The following DNAH3 variants were observed in gnomAD, a reference collection of about 807,000 sequenced individuals.
DNAH3 encodes the protein dynein axonemal heavy chain 3, also known as axonemal beta dynein heavy chain 3.
In DNAH3, 332 loss-of-function variants were observed where a neutral mutation model predicts 432.5. That is an observed-to-expected ratio of 0.77 (90% CI 0.70 to 0.84). The LOEUF is 0.84. Among genes scored for constraint, DNAH3 ranks in the 40% least tolerant of loss-of-function variants. The probability of loss-of-function intolerance (pLI) is 0.00; values close to 1 mark genes in which losing one functional copy is unlikely to be tolerated. For synonymous variants in DNAH3, 1,956 were observed against 1,900.2 expected, an observed-to-expected ratio of 1.03 and a Z score of -0.76; for missense variants, 4,861 against 5,114.0, an observed-to-expected ratio of 0.95 and a Z score of 1.51.
At chr16:21,138,163 G>A (rs2092669193) in intron 5 of DNAH3, among the ~76,000 whole-genome samples, 1 of 151,872 alleles carries the variant, frequency 6.6e-6, no homozygotes, top group South Asian at 2.1e-4. Flanking sequence ...CAGCAGAATT[G>A]CTTGAACCCA....
intron 20 of DNAH3, among the ~76,000 whole-genome samples, chr16:21,080,721 G>T (rs2091153881): frequency 1.3e-5 from 2 of 152,110 alleles, no homozygotes; most frequent in South Asian, 4.1e-4. Flanking sequence ...AGATCTGGGT[G>T]CCACACTCAC....
chr16:21,152,348 GC>G (rs1266770540), intron 1 of DNAH3, among the ~76,000 whole-genome samples: 1 of 152,228 alleles, frequency 6.6e-6, no homozygotes, highest in Non-Finnish European at 1.5e-5. Flanking sequence ...CGAGTCCACT[GC>G]TCTTTCCATA....
Position 21,000,219 on chromosome 16 carries a change from C to T in DNAH3, c.6421+5G>A, listed in dbSNP as rs767504288. On this transcript the variant is annotated splice_donor_5th_base_variant and intron_variant, in intron 43 of 61. Coordinates refer to ENST00000261383, the Ensembl canonical transcript of DNAH3. ...GTTGTGTCCAGACCCAGCCCAATGC[C>T]TTACCCACAAACACCACTGCTTTCT... 12 of 1,611,984 alleles carry T rather than the reference C, an allele frequency of 7.4e-6. No individual in the cohort carries two copies. The highest frequency in any genetic ancestry group is 1.7e-5 in the Admixed American group (1 of 59,942).
At chr16:21,104,811 A>G (rs1266576291) in intron 15 of DNAH3, among the ~76,000 whole-genome samples, 6 of 152,334 alleles carry the variant, frequency 3.9e-5, no homozygotes, top group South Asian at 4.1e-4. Context: ...TGGCAAACAC[A>G]GCCATTGAGC....
chr16:20,964,340 G>A, exon 53 of DNAH3: 1 of 1,614,120 alleles, frequency 6.2e-7, no homozygotes, highest in Middle Eastern at 1.6e-4. Context: ...ACTTCTGGGA[G>A]GTAATGTGGA....
chr16:21,065,733 TTG>T (rs1567728416), intron 24 of DNAH3, among the ~76,000 whole-genome samples: 1 of 152,234 alleles, frequency 6.6e-6, no homozygotes, highest in African/African-American at 2.4e-5. Context: ...GGCTACTATA[TTG>T]GACAGTACGG....
intron 12 of DNAH3, among the ~76,000 whole-genome samples, chr16:21,116,762 T>C (rs1378074610): frequency 6.6e-6 from 1 of 152,224 alleles, no homozygotes; most frequent in African/African-American, 2.4e-5. Context: ...ATTCACTTGG[T>C]AGCAAAAGTT....
At chr16:21,113,487 C>T (rs911016844) in intron 12 of DNAH3, among the ~76,000 whole-genome samples, 42 of 151,666 alleles carry the variant, frequency 2.8e-4, no homozygotes, top group African/African-American at 9.9e-4. Context: ...TTGAGATAGA[C>T]TCTCACTGTA....
At chr16:21,000,848 G>A (rs2086982790) in intron 42 of DNAH3, among the ~76,000 whole-genome samples, 1 of 152,184 alleles carries the variant, frequency 6.6e-6, no homozygotes, top group Non-Finnish European at 1.5e-5. Context: ...AAAATGCAGG[G>A]ATTTGAATAC....
intron 34 of DNAH3, 36 bp from the exon 35 acceptor site, chr16:21,036,884 A>G: frequency 2.6e-6 from 4 of 1,558,014 alleles, no homozygotes; most frequent in Non-Finnish European, 3.5e-6. Context: ...TGGAAAGGAT[A>G]AAGTATCAGA....
exon 53 of DNAH3, chr16:20,963,423 C>G: frequency 1.2e-6 from 2 of 1,614,128 alleles, no homozygotes; most frequent in South Asian, 2.2e-5. Flanking sequence ...ACTCCCGGAC[C>G]GCTGGCACCA....
At chr16:20,966,854 G>T (rs1170523135) in intron 52 of DNAH3, among the ~76,000 whole-genome samples, 1 of 152,114 alleles carries the variant, frequency 6.6e-6, no homozygotes, top group Non-Finnish European at 1.5e-5. Flanking sequence ...CAGCTTGCAG[G>T]CTTCCACCCA....
intron 18 of DNAH3, among the ~76,000 whole-genome samples, chr16:21,096,595 C>G (rs1209506715): frequency 6.6e-6 from 1 of 152,162 alleles, no homozygotes; most frequent in Admixed American, 6.5e-5. Flanking sequence ...ATTTAATATT[C>G]CCATTTGATT....
At chr16:21,075,207 G>A (rs1001503766) in intron 21 of DNAH3, among the ~76,000 whole-genome samples, 1 of 152,118 alleles carries the variant, frequency 6.6e-6, no homozygotes, top group Non-Finnish European at 1.5e-5. Context: ...TGGTTCCTTT[G>A]CACTGAGAAA....
intron 1 of DNAH3, among the ~76,000 whole-genome samples, chr16:21,153,353 G>T (rs1157043088): frequency 6.6e-6 from 1 of 152,068 alleles, no homozygotes; most frequent in Non-Finnish European, 1.5e-5. Flanking sequence ...TTCTGGTGGG[G>T]CCTTGGAGAA....
chr16:21,070,529 C>T (rs766356326), intron 22 of DNAH3, among the ~76,000 whole-genome samples, 181 bp downstream of exon 22: 4 of 152,066 alleles, frequency 2.6e-5, no homozygotes, highest in Admixed American at 6.6e-5. Context: ...GTGATCTGCC[C>T]GCCTCGGCCT....
intron 28 of DNAH3, 85 bp downstream of exon 28, chr16:21,054,335 A>T (rs1449528483): frequency 3.8e-6 from 4 of 1,047,262 alleles, no homozygotes; most frequent in Non-Finnish European, 5.7e-6. Context: ...ACCCTGAATT[A>T]TTCCGTCCAG....
intron 18 of DNAH3, among the ~76,000 whole-genome samples, chr16:21,096,646 G>T (rs887104888): frequency 4.6e-5 from 7 of 151,282 alleles, no homozygotes; most frequent in Non-Finnish European, 7.4e-5. Context: ...AAGTTGATGG[G>T]TTTTTTTTTA....
chr16:21,097,371 T>C lies in DNAH3; in HGVS notation c.2649A>G (p.Ser883=), dbSNP rs16970875. ...ACCACATACCATTCATCCATTCCTC[T>C]GACTTGATGCTGAACTCATAGGCTG... Residue 883 remains serine, a synonymous_variant, in exon 18 of 62, where the codon TCA becomes TCG. Coordinates refer to ENST00000261383, the Ensembl canonical transcript of DNAH3. The C allele has an allele frequency of 4.3e-3, 6,953 of 1,613,572 alleles. 251 individuals are homozygous for C. In the African/African-American group the frequency reaches 0.078, roughly 18 times the overall value.
Sources: gnomAD v4.1 joint callset for allele counts (sites outside exome capture counted in the v4.1 genomes callset) on GRCh38, gnomAD v4.1.1 for gene constraint, MANE v1.5 for transcripts, NCBI Gene and HGNC (gene_info 2026-07-23, HGNC 2026-07-21) for gene names.